Variants in CFAP251 observed in about 807,000 individuals in gnomAD.
CFAP251 encodes the protein cilia and flagella associated protein 251.
Under a neutral mutation model 126.7 loss-of-function variants are expected in CFAP251, and 93 were observed. The observed-to-expected ratio is 0.73, with a 90% CI of 0.62 to 0.87. The LOEUF (loss-of-function observed/expected upper bound fraction) is 0.87, where lower values mean the gene tolerates loss of function less well. Ranked by LOEUF, CFAP251 falls within the 40% of genes least tolerant of loss-of-function variation. CFAP251 has a pLI of 0.00. For missense variants in CFAP251, 1,287 were observed against 1,389.2 expected (o/e 0.93, Z 1.17); for synonymous variants, 503 against 506.9 (o/e 0.99, Z 0.10).
intron 13 of CFAP251, 83 bp downstream of exon 13, chr12:121,959,177 C>G: frequency 7.3e-7 from 1 of 1,369,114 alleles, no homozygotes; most frequent in Middle Eastern, 1.9e-4. Flanking sequence ...TAGCTAACAC[C>G]TGTAATCCCA....
intron 9 of CFAP251, among the ~76,000 whole-genome samples, chr12:121,951,958 A>G (rs575734191): frequency 5.3e-5 from 8 of 151,856 alleles, no homozygotes; most frequent in African/African-American, 1.7e-4. Context: ...TCCTGACCTT[A>G]TGATCCACCT....
rs1252718012 is a variant in CFAP251 at position 121,954,237 on chromosome 12, T to C, written c.1438T>C (p.Ser480Pro). The C allele has an allele frequency of 6.2e-7, 1 of 1,614,062 alleles. No individual in the cohort carries two copies. The highest frequency in any genetic ancestry group is 1.3e-5 in the African/African-American group (1 of 74,918). ...LVVWDIHRPPSSASTFLGFPY... is the reference protein window; with the variant it reads ...LVVWDIHRPPPSASTFLGFPY... ...TGTCTGGGACATACACCGCCCACCC[T>C]CATCTGCCTCCACCTTTTTGGGCTT... Residue 480 changes from serine to proline, a missense_variant, in exon 10 of 22, where the codon TCA (serine) becomes CCA (proline). Coordinates refer to ENST00000288912, the MANE Select transcript of CFAP251 (RefSeq NM_144668.6).
At chr12:121,950,968 C>T (rs1280349622) in intron 8 of CFAP251, 2 of 151,928 alleles carry the variant, frequency 1.3e-5, no homozygotes, top group African/African-American at 4.9e-5. Context: ...CCTGTAATCC[C>T]AACACTTTGG....
chr12:121,945,083 CTCT>C (rs942301344), intron 7 of CFAP251, among the ~76,000 whole-genome samples: 8 of 152,026 alleles, frequency 5.3e-5, no homozygotes, highest in East Asian at 3.9e-4. Flanking sequence ...ACACCTGGCC[CTCT>C]TCTTCTTTTT....
intron 16 of CFAP251, 116 bp downstream of exon 16, chr12:121,967,185 T>G (rs575025528): frequency 4.3e-5 from 38 of 892,602 alleles, no homozygotes; most frequent in South Asian, 2.1e-4. Flanking sequence ...GCCCAACTGC[T>G]TCCACCCCAG....
At chr12:121,926,868 A>G (rs556318773) in intron 3 of CFAP251, among the ~76,000 whole-genome samples, 1 of 152,288 alleles carries the variant, frequency 6.6e-6, no homozygotes, top group African/African-American at 2.4e-5. Context: ...GCTTGAACCC[A>G]GGAAGGCAGA....
In CFAP251 at chr12:121,962,313, C is replaced by T. The variant is rs1056552661; in HGVS notation, c.2492+151C>T. 11 of 708,088 alleles carry T rather than the reference C, an allele frequency of 1.6e-5. No homozygotes were observed. In the East Asian group the frequency reaches 1.6e-4, roughly 10 times the overall value. 43.9% of individuals were successfully genotyped at this position (708,088 alleles called of 1,614,324 possible). On this transcript the variant is annotated intron_variant, in intron 15 of 21. Coordinates refer to ENST00000288912, the MANE Select transcript of CFAP251 (RefSeq NM_144668.6). ...GAGGAGGAGACTGAGGCACAGATAA[C>T]GTAAGTAATTCTCACCAAGGTCATG... is the stretch of plus-strand genomic sequence containing the variant.
Position 121,989,030 on chromosome 12 carries a change from C to T in CFAP251, c.3007-10686C>T, listed in dbSNP as rs988957434. 2.6e-5 allele frequency among the ~76,000 whole-genome samples: 4 copies of T among 152,194 alleles called. No homozygotes were observed. The highest frequency in any genetic ancestry group is 7.2e-5 in the African/African-American group (3 of 41,446). On this transcript the variant is annotated intron_variant, in intron 19 of 21. Transcript: ENST00000288912. The surrounding 1 kb of genome is among the most constrained non-coding windows in gnomAD (Gnocchi z 4.2). ...GGATCCCAGATGTGAGCCACGGTGC[C>T]CGGCCCACATCACTTCTTCACTTGA...
intron 3 of CFAP251, among the ~76,000 whole-genome samples, chr12:121,928,627 T>A (rs1880513292): frequency 1.7e-5 from 1 of 59,836 alleles, no homozygotes; most frequent in Non-Finnish European, 4.8e-5. Context: ...TGTATATGTG[T>A]ATATATATAC....
chr12:121,926,021 A>ATTTTTTT (rs35760212), intron 3 of CFAP251, among the ~76,000 whole-genome samples: 1 of 97,512 alleles, frequency 1.0e-5, no homozygotes, highest in Non-Finnish European at 2.0e-5. Flanking sequence ...ATTTTTTGTA[A>ATTTTTTT]TTTTTTTTTT....
Position 122,002,070 on chromosome 12 carries a change from C to A in CFAP251, c.3337+472C>A, listed in dbSNP as rs960976729. 6.0e-5 allele frequency among the ~76,000 whole-genome samples: 9 copies of A among 150,774 alleles called. No individual in the cohort carries two copies. In the South Asian group the frequency reaches 1.7e-3, roughly 28 times the overall value. The stretch of plus-strand genomic sequence containing the variant: ...AGATCCCATCTCTACAAAAAAAAAA[C>A]CAGGCTGGGCGCAGTGGCTCACGCC... On this transcript the variant is annotated intron_variant, in intron 21 of 21. Coordinates refer to ENST00000288912, the MANE Select transcript of CFAP251 (RefSeq NM_144668.6).
chr12:121,972,429 C>T (rs1183703242), intron 17 of CFAP251, among the ~76,000 whole-genome samples: 1 of 151,938 alleles, frequency 6.6e-6, no homozygotes, highest in African/African-American at 2.4e-5. Flanking sequence ...TTTGCCCCTG[C>T]CCTAGAGATT....
chr12:121,967,633 C>T (rs1476056308), intron 16 of CFAP251, among the ~76,000 whole-genome samples: 3 of 152,060 alleles, frequency 2.0e-5, no homozygotes, highest in African/African-American at 4.8e-5. Context: ...ACCCGGGAGG[C>T]GGAGTTTGCA....
At chr12:121,996,624 G>C (rs2135817209) in intron 19 of CFAP251, among the ~76,000 whole-genome samples, 1 of 152,218 alleles carries the variant, frequency 6.6e-6, no homozygotes. Flanking sequence ...AGAAAAATTA[G>C]AAAATACACA....
At chr12:121,982,775 A>G (rs1157354280) in intron 19 of CFAP251, among the ~76,000 whole-genome samples, 1 of 152,138 alleles carries the variant, frequency 6.6e-6, no homozygotes, top group Non-Finnish European at 1.5e-5. Context: ...TACTTGAGAA[A>G]GAGGGTGGGC....
At chr12:121,973,239 T>TC (rs1437023370) in intron 17 of CFAP251, among the ~76,000 whole-genome samples, 1 of 152,250 alleles carries the variant, frequency 6.6e-6, no homozygotes, top group Non-Finnish European at 1.5e-5. Context: ...TTGGCAGCTT[T>TC]CATGACGTGT....
At chr12:121,948,893 T>C in intron 7 of CFAP251, 91 bp from the exon 8 acceptor site, 1 of 752,224 alleles carries the variant, frequency 1.3e-6, no homozygotes. Context: ...TACTCATTTG[T>C]TTTAATTAAA....
intron 17 of CFAP251, among the ~76,000 whole-genome samples, chr12:121,970,461 C>G (rs979401166): frequency 1.3e-5 from 2 of 152,188 alleles, no homozygotes; most frequent in Non-Finnish European, 2.9e-5. Context: ...TCCTCCAACT[C>G]TTAAATGGGA....
chr12:121,987,515 G>C (rs746536917), intron 19 of CFAP251, among the ~76,000 whole-genome samples: 7 of 152,098 alleles, frequency 4.6e-5, no homozygotes, highest in Non-Finnish European at 1.0e-4. Flanking sequence ...AGGAGTTCGA[G>C]ACCACCCTGG....
Sources: gnomAD v4.1 joint callset for allele counts (sites outside exome capture counted in the v4.1 genomes callset) on GRCh38, gnomAD v4.1.1 for gene constraint, Gnocchi (gnomAD v3.1) non-coding constraint, MANE v1.5 for transcripts, NCBI Gene and HGNC (gene_info 2026-07-23, HGNC 2026-07-21) for gene names.